ESRRG: variants seen among roughly 807,000 people sequenced by gnomAD.
The protein encoded by ESRRG is estrogen related receptor gamma.
In ESRRG, 13 loss-of-function variants were observed where a neutral mutation model predicts 44.0. That is an observed-to-expected ratio of 0.30 (90% confidence interval 0.19 to 0.47). ESRRG has a LOEUF of 0.47. Among genes scored for constraint, ESRRG ranks in the 20% least tolerant of loss-of-function variants. The pLI is 1.00. For missense variants in ESRRG, 395 were observed against 580.6 expected (o/e 0.68, Z 3.29); for synonymous variants, 215 against 214.6 (o/e 1.00, Z -0.02).
chr1:216,707,481 T>A, intron 1 of ESRRG: 2 of 1,532,914 alleles, frequency 1.3e-6, no homozygotes, highest in Non-Finnish European at 1.7e-6. Context: ...GAACTTTACA[T>A]CAGTTCTAAA....
At chr1:216,953,962 A>G (rs2150103237) in intron 1 of ESRRG, among the ~76,000 whole-genome samples, 1 of 152,122 alleles carries the variant, frequency 6.6e-6, no homozygotes, top group East Asian at 1.9e-4. Context: ...ACATTAAAAA[A>G]CCTATGCAAA....
chr1:217,062,246 C>T (rs2088678370), intron 1 of ESRRG, among the ~76,000 whole-genome samples: 3 of 152,100 alleles, frequency 2.0e-5, no homozygotes. Context: ...CACTCTGGCA[C>T]TCTCTCCACA....
chr1:217,004,766 C>A (rs1252506007), intron 1 of ESRRG, among the ~76,000 whole-genome samples: 3 of 152,098 alleles, frequency 2.0e-5, no homozygotes, highest in African/African-American at 7.2e-5. Context: ...ATGAATGATG[C>A]TGCTTGACAC....
At chr1:216,776,533 C>A (rs1394783580) in intron 2 of ESRRG, among the ~76,000 whole-genome samples, 1 of 152,036 alleles carries the variant, frequency 6.6e-6, no homozygotes, top group Non-Finnish European at 1.5e-5. Flanking sequence ...TCTTATTCGC[C>A]ATTGTGTCCA....
rs11572484 is a variant in ESRRG, at chr1:216,944,305, A to G, written c.-105-4632T>C. On this transcript the variant is annotated intron_variant, in intron 1 of 7. Coordinates refer to the ESRRG transcript ENST00000359162. ...AGAGATTTCTTCATTAAGTTGGCCA[A>G]GATCCTTGAGTCTAGCACTTTGCCA... Among the ~76,000 whole-genome samples the G allele has an allele frequency of 1.9e-3, 292 of 152,332 alleles. 6 individuals carry two copies. The East Asian group carries it at 0.043, about 23-fold the overall frequency.
At position 216,654,130 on chromosome 1, in the gene ESRRG, C is replaced by CAA. The variant is rs397961659; in HGVS notation, c.473-3043_473-3042dup. The stretch of plus-strand genomic sequence containing the variant: ...AGAGCAAGACTTCATCCCCACCCTC[C>CAA]AAAAAAAAAAAATCCACCAAAAAGT... On this transcript the variant is annotated intron_variant, in intron 2 of 6. Coordinates refer to ENST00000408911, the MANE Select transcript of ESRRG (RefSeq NM_001438.4). Among the ~76,000 whole-genome samples the CAA allele has an allele frequency of 1.8e-3, 234 of 132,096 alleles. 1 individual carries two copies. Among genetic ancestry groups the CAA allele is most frequent in the Admixed American group, 4.0e-3 (53 of 13,114 alleles). 86.7% of individuals were successfully genotyped at this position (132,096 alleles called of 152,430 possible). A position where few individuals can be genotyped will look rare whatever the true frequency, so the allele number is the denominator to read the frequency against.
chr1:216,808,438 G>A (rs536102854), intron 2 of ESRRG, among the ~76,000 whole-genome samples: 25 of 152,102 alleles, frequency 1.6e-4, no homozygotes, highest in Admixed American at 2.0e-4. Context: ...ATGTATTTAC[G>A]TATGTATTTA....
chr1:216,889,750 T>C (rs371794125), intron 2 of ESRRG, among the ~76,000 whole-genome samples: 6 of 152,214 alleles, frequency 3.9e-5, no homozygotes, highest in African/African-American at 1.4e-4. Context: ...ATCCACTGAT[T>C]TCGCTTTCCT....
intron 2 of ESRRG, among the ~76,000 whole-genome samples, chr1:216,663,621 T>C (rs866727865): frequency 7.1e-6 from 1 of 141,210 alleles, no homozygotes; most frequent in African/African-American, 2.5e-5. Flanking sequence ...ATTTTTCTCT[T>C]TCTATCATTC....
chr1:216,630,636 C>T (rs951556463), intron 3 of ESRRG, among the ~76,000 whole-genome samples: 1 of 152,158 alleles, frequency 6.6e-6, no homozygotes, highest in Non-Finnish European at 1.5e-5. Flanking sequence ...AGAATTAATG[C>T]AGTCAATTTG....
chr1:216,780,862 T>G (rs2093907779), intron 2 of ESRRG, among the ~76,000 whole-genome samples: 1 of 151,988 alleles, frequency 6.6e-6, no homozygotes, highest in Non-Finnish European at 1.5e-5. Flanking sequence ...GAGGTTAAAA[T>G]GTGAAACAAA....
intron 1 of ESRRG, among the ~76,000 whole-genome samples, chr1:216,706,264 T>C: frequency 7.1e-6 from 1 of 140,672 alleles, no homozygotes. Context: ...ATGGCGGGGG[T>C]GGGGGGCTGG....
intron 2 of ESRRG, among the ~76,000 whole-genome samples, chr1:216,773,421 T>C (rs1409590692): frequency 6.6e-6 from 1 of 152,110 alleles, no homozygotes; most frequent in Non-Finnish European, 1.5e-5. Context: ...ACTTAGGGAA[T>C]TTATTTCTGC....
intron 1 of ESRRG, among the ~76,000 whole-genome samples, chr1:216,701,889 T>C (rs1236209294): frequency 6.6e-6 from 1 of 152,240 alleles, no homozygotes; most frequent in East Asian, 1.9e-4. Flanking sequence ...GTAGCCAGAC[T>C]ATCATAAATA....
At chr1:216,517,932 A>T (rs1185376372) in intron 6 of ESRRG, among the ~76,000 whole-genome samples, 2 of 152,218 alleles carry the variant, frequency 1.3e-5, no homozygotes, top group African/African-American at 4.8e-5. Flanking sequence ...GTACAACTCC[A>T]TTGTTGAAAA....
chr1:217,116,124 T>G (rs186471417), intron 1 of ESRRG, among the ~76,000 whole-genome samples: 1 of 152,220 alleles, frequency 6.6e-6, no homozygotes, highest in African/African-American at 2.4e-5. Flanking sequence ...ATGCTCAGCC[T>G]GTTAACATGT....
intron 2 of ESRRG, among the ~76,000 whole-genome samples, chr1:216,657,868 G>T (rs1363716845): frequency 6.6e-6 from 1 of 152,136 alleles, no homozygotes; most frequent in African/African-American, 2.4e-5. Context: ...AAGACCTTTT[G>T]CAGGTTGGTT....
At chr1:216,749,002 T>C (rs904843646) in intron 2 of ESRRG, among the ~76,000 whole-genome samples, 4 of 152,248 alleles carry the variant, frequency 2.6e-5, no homozygotes, top group Admixed American at 6.5e-5. Context: ...ATCAAATCTC[T>C]CATCCATCCC....
chr1:216,521,350 C>CT (rs758367884), intron 5 of ESRRG, among the ~76,000 whole-genome samples: 3 of 151,934 alleles, frequency 2.0e-5, no homozygotes, highest in East Asian at 1.9e-4. Context: ...CCACACTGCT[C>CT]TTTTTTCTAT....
Sources: gnomAD v4.1 joint callset for allele counts (sites outside exome capture counted in the v4.1 genomes callset) on GRCh38, gnomAD v4.1.1 for gene constraint, MANE v1.5 for transcripts, NCBI Gene and HGNC (gene_info 2026-07-23, HGNC 2026-07-21) for gene names.